Variants in NLRP4 observed in about 807,000 individuals in gnomAD.
NLRP4 encodes NLR family pyrin domain containing 4.
NLRP4 carries 44 observed loss-of-function variants against 84.7 expected under a neutral mutation model. The observed-to-expected ratio is 0.52, with a 90% CI of 0.41 to 0.67. NLRP4 has a LOEUF of 0.67. NLRP4 is among the 30% of genes least tolerant of loss of function. NLRP4 has a pLI of 0.00. For synonymous variants in NLRP4, 544 were observed against 476.4 expected, an observed-to-expected ratio of 1.14 and a Z score of -1.85; for missense variants, 1,260 against 1,219.4, an observed-to-expected ratio of 1.03 and a Z score of -0.50.
rs144714657 is a variant in NLRP4 at position 55,870,885 on chromosome 19, C to T, written c.2413C>T (p.Arg805Cys). Reference sequence around the variant, plus strand: ...CGAATACATCTCTGAAATGCTTCTGCGTAACAAGAGCGTGCGCTATCTAGA... The same window carrying T: ...CGAATACATCTCTGAAATGCTTCTGTGTAACAAGAGCGTGCGCTATCTAGA... Reference protein sequence around the residue: ...CCEYISEMLLRNKSVRYLDLS... With the variant: ...CCEYISEMLLCNKSVRYLDLS... Residue 805 changes from arginine (R) to cysteine (C), a missense_variant, in exon 7 of 10, where the codon CGT becomes TGT. Physicochemically the swap from Arg to Cys is radical, Grantham distance 180 (BLOSUM62 -3). This residue lies in a region of NLRP4 where 544 missense variants were observed against 531.7 expected (regional missense o/e 1.02). Transcript: ENST00000301295. 60 of 1,613,990 alleles carry T rather than the reference C, an allele frequency of 3.7e-5. No homozygotes were observed. Among genetic ancestry groups the T allele is most frequent in the Admixed American group, 2.7e-4 (16 of 60,024 alleles).
In NLRP4 at chr19:55,854,923, C is replaced by T. The variant is rs907314496; in HGVS notation, c.280+2563C>T. Among the ~76,000 whole-genome samples the T allele has an allele frequency of 3.9e-5, 6 of 152,300 alleles. 1 individual carries two copies. In the South Asian group the frequency reaches 1.2e-3, roughly 32 times the overall value. On this transcript the variant is annotated intron_variant, in intron 2 of 9. Coordinates refer to ENST00000301295, the MANE Select transcript of NLRP4 (RefSeq NM_134444.5). ...ATTTTTAGTAGAGACGGGATTTTGC[C>T]ATGTTGGCCAGGCTGGTGTTGAACT...
chr19:55,838,661 A>G (rs1039677985), intron 1 of NLRP4, among the ~76,000 whole-genome samples: 25 of 152,196 alleles, frequency 1.6e-4, no homozygotes, highest in Admixed American at 7.2e-4. Flanking sequence ...ACCAAATGTT[A>G]AAAGTTTACC....
At chr19:55,872,693 G>T (rs542013404) in intron 7 of NLRP4, among the ~76,000 whole-genome samples, 1 of 152,116 alleles carries the variant, frequency 6.6e-6, no homozygotes, top group African/African-American at 2.4e-5. Context: ...CATAGAAGAG[G>T]GTATAAGACT....
chr19:55,841,591 G>A (rs1015576226), intron 1 of NLRP4, among the ~76,000 whole-genome samples: 1 of 152,060 alleles, frequency 6.6e-6, no homozygotes, highest in Admixed American at 6.6e-5. Context: ...GGCCGGGTGC[G>A]GTGGCTCATG....
chr19:55,868,201 C>A (rs1046391275), intron 6 of NLRP4, among the ~76,000 whole-genome samples: 2 of 152,118 alleles, frequency 1.3e-5, no homozygotes, highest in African/African-American at 4.8e-5. Context: ...ATGGTACTTC[C>A]CGTGTTGATA....
At chr19:55,846,504 A>G (rs1983799620) in intron 1 of NLRP4, among the ~76,000 whole-genome samples, 1 of 152,190 alleles carries the variant, frequency 6.6e-6, no homozygotes, top group African/African-American at 2.4e-5. Context: ...GCCCAAAGTC[A>G]TTCTTTAAGT....
At position 55,859,024 on chromosome 19, in the gene NLRP4, C is replaced by T. The variant is rs781204693; in HGVS notation, c.1631C>T (p.Pro544Leu). 2 of 1,614,090 alleles carry T rather than the reference C, an allele frequency of 1.2e-6. No homozygotes were observed. The highest frequency in any genetic ancestry group is 8.5e-7 in the Non-Finnish European group (1 of 1,179,990). Residue 544 changes from proline (P) to leucine (L), a missense_variant, in exon 3 of 10, where the codon CCT (proline) becomes CTT (leucine). By Grantham distance (98) the Pro-to-Leu change is moderately conservative (BLOSUM62 -3). Coordinates refer to ENST00000301295, the MANE Select transcript of NLRP4 (RefSeq NM_134444.5). ...AAGAGCTTAGGGGAGCGTGGCAATC[C>T]TCAGGGACAGGTGGATTCCTTGGCG... ...CLKSLGERGN[P>L]QGQVDSLAIF...
In NLRP4 at chr19:55,881,674, C is replaced by T. The variant is rs1270073134; in HGVS notation, c.*87C>T. On this transcript the variant is annotated 3_prime_UTR_variant, in exon 10 of 10. Transcript: ENST00000301295. ...TACATGACACTGCACCCAGGAGATA[C>T]AAATCATTGATACTCTGAGTTGTGA... The T allele has an allele frequency of 3.0e-6, 2 of 663,302 alleles. No individual in the cohort carries two copies. The highest frequency in any genetic ancestry group is 2.7e-6 in the Non-Finnish European group (1 of 370,414). 41.1% of individuals were successfully genotyped at this position (663,302 alleles called of 1,614,324 possible).
intron 5 of NLRP4, among the ~76,000 whole-genome samples, chr19:55,863,743 T>C (rs1984851915): frequency 6.6e-6 from 1 of 152,206 alleles, no homozygotes; most frequent in Admixed American, 6.5e-5. Context: ...TTTCTTGACC[T>C]GGATACTGGT....
At chr19:55,849,181 C>T (rs1983920745) in intron 1 of NLRP4, among the ~76,000 whole-genome samples, 1 of 152,154 alleles carries the variant, frequency 6.6e-6, no homozygotes, top group Non-Finnish European at 1.5e-5. Context: ...TGGAATTCTT[C>T]TTCTTGCTAA....
At chr19:55,870,394 G>C (rs1985128687) in intron 6 of NLRP4, among the ~76,000 whole-genome samples, 1 of 152,218 alleles carries the variant, frequency 6.6e-6, no homozygotes, top group Non-Finnish European at 1.5e-5. Flanking sequence ...GGACGCGGTG[G>C]CTCACGCCTT....
At position 55,861,308 on chromosome 19, in the gene NLRP4, A is replaced by G. The variant is rs1984740226; in HGVS notation, c.1857-78A>G. 1.1e-5 allele frequency: 13 copies of G among 1,209,294 alleles called. No homozygotes were observed. In the Admixed American group the frequency reaches 2.6e-4, roughly 24 times the overall value. The allele number at this position is 1,209,294 out of a possible 1,614,324, so 74.9% of individuals were successfully genotyped here. On this transcript the variant is annotated intron_variant, in intron 3 of 9. Coordinates refer to ENST00000301295, the MANE Select transcript of NLRP4 (RefSeq NM_134444.5). ...TCAGACATCTTCTGTTTGAGAAGACAGCGTAGTGCGTATATGTGTTACAAG... is the reference window on the plus strand; with the variant it reads ...TCAGACATCTTCTGTTTGAGAAGACGGCGTAGTGCGTATATGTGTTACAAG...
rs1467086715 is a variant in NLRP4 at position 55,858,793 on chromosome 19, A to G, written c.1400A>G (p.Lys467Arg). ...TGTGCCGCCTTGTTCTATTTGCTCA[A>G]GAGCCACCTTGATCATCCTCACCCA... ...EFCAALFYLL[K>R]SHLDHPHPAV... The change falls in exon 3 of 10, where the codon AAG becomes AGG. Residue 467 changes from lysine (K) to arginine (R), a missense_variant. Physicochemically the swap from Lys to Arg is conservative, Grantham distance 26. Transcript: ENST00000301295. This position sits in a 1 kb window ranked among gnomAD's most constrained non-coding sequence, Gnocchi z 4.2. 1.7e-5 allele frequency: 28 copies of G among 1,614,196 alleles called. No individual in the cohort carries two copies. Among genetic ancestry groups the G allele is most frequent in the Non-Finnish European group, 2.4e-5 (28 of 1,180,022 alleles).
At chr19:55,879,229 GGAGATCCAAGGACGCA>G (rs374854053) in intron 9 of NLRP4, among the ~76,000 whole-genome samples, 1,590 of 152,182 alleles carry the variant, frequency 0.01, 35 homozygotes, top group African/African-American at 0.036. Context: ...CCAGGGCCGT[GGAGATCCAAGGACGCA>G]GAGATCCAAG....
chr19:55,843,848 C>T (rs73622421), intron 1 of NLRP4, among the ~76,000 whole-genome samples: 1,551 of 152,150 alleles, frequency 0.01, 28 homozygotes, highest in African/African-American at 0.035. Context: ...AGTCTCTTTT[C>T]TCCTTTTGGG....
intron 1 of NLRP4, among the ~76,000 whole-genome samples, chr19:55,851,653 A>T (rs374799629): frequency 3.8e-3 from 286 of 76,018 alleles, no homozygotes; most frequent in Middle Eastern, 0.018. Flanking sequence ...GTAATGTCCG[A>T]GGCTGCGGTG....
At chr19:55,879,258 C>T (rs928487630) in intron 9 of NLRP4, among the ~76,000 whole-genome samples, 76 of 151,380 alleles carry the variant, frequency 5.0e-4, no homozygotes, top group Non-Finnish European at 4.1e-4. Context: ...GATCCAAGGA[C>T]GCAGATACAC....
At chr19:55,868,254 G>A (rs906398319) in intron 6 of NLRP4, among the ~76,000 whole-genome samples, 1 of 152,138 alleles carries the variant, frequency 6.6e-6, no homozygotes, top group African/African-American at 2.4e-5. Context: ...TGGGTACTCA[G>A]GACAGTAGCG....
chr19:55,846,709 T>G (rs1983809902), intron 1 of NLRP4, among the ~76,000 whole-genome samples: 3 of 152,166 alleles, frequency 2.0e-5, no homozygotes. Context: ...CATAGCAAGT[T>G]ACCAGTTGGT....
Sources: gnomAD v4.1 joint callset for allele counts (sites outside exome capture counted in the v4.1 genomes callset) on GRCh38, gnomAD v4.1.1 for gene constraint, gnomAD v4.1.1 regional missense constraint, Gnocchi (gnomAD v3.1) non-coding constraint, MANE v1.5 for transcripts, NCBI Gene and HGNC (gene_info 2026-07-23, HGNC 2026-07-21) for gene names.